Variants in CYB5A observed in about 807,000 individuals in gnomAD.
CYB5A encodes cytochrome b5.
In CYB5A, 10 loss-of-function variants were observed where a neutral mutation model predicts 16.2. The ratio of observed to expected loss-of-function variants is 0.62; its 90% confidence interval spans 0.38 to 1.04. The LOEUF (loss-of-function observed/expected upper bound fraction) is 1.04, where lower values mean the gene tolerates loss of function less well. Among genes scored for constraint, CYB5A ranks in the 50% least tolerant of loss-of-function variants. CYB5A has a pLI of 0.01. For synonymous variants in CYB5A, 62 were observed against 57.0 expected (o/e 1.09, Z -0.40); for missense variants, 161 against 165.9 (o/e 0.97, Z 0.16).
intron 1 of CYB5A, among the ~76,000 whole-genome samples, chr18:74,265,010 G>A (rs1467376907): frequency 6.6e-6 from 1 of 152,130 alleles, no homozygotes; most frequent in Non-Finnish European, 1.5e-5. Flanking sequence ...TCCTGACCTT[G>A]AGCAAGTCAC....
chr18:74,261,926 A>G (rs931338420), intron 2 of CYB5A, among the ~76,000 whole-genome samples: 1 of 152,098 alleles, frequency 6.6e-6, no homozygotes, highest in African/African-American at 2.4e-5. Flanking sequence ...GCTGCTAACC[A>G]TGCACCACAA....
intron 1 of CYB5A, among the ~76,000 whole-genome samples, chr18:74,284,851 G>A (rs981221709): frequency 3.3e-5 from 5 of 152,176 alleles, no homozygotes; most frequent in African/African-American, 1.2e-4. Flanking sequence ...ATGTAAGAAA[G>A]TAACTTCTTG....
chr18:74,288,307 A>C (rs1254026856), intron 1 of CYB5A, among the ~76,000 whole-genome samples: 2 of 152,200 alleles, frequency 1.3e-5, no homozygotes, highest in Admixed American at 1.3e-4. Context: ...CATGCACATA[A>C]ATCTAGGACA....
intron 3 of CYB5A, chr18:74,256,860 C>G (rs770027459): frequency 6.2e-7 from 1 of 1,613,230 alleles, no homozygotes; most frequent in Admixed American, 1.7e-5. Context: ...GTTCCTGACA[C>G]AGTAGGGGAA....
chr18:74,269,086 T>C (rs74675440), intron 1 of CYB5A, among the ~76,000 whole-genome samples: 3,663 of 152,252 alleles, frequency 0.024, 99 homozygotes, highest in Admixed American at 0.072. Context: ...ACAGTCTAAA[T>C]TCAGAAGACA....
chr18:74,262,171 G>C (rs1982228811), intron 2 of CYB5A, among the ~76,000 whole-genome samples: 1 of 152,142 alleles, frequency 6.6e-6, no homozygotes, highest in South Asian at 2.1e-4. Context: ...AGCCAAATTA[G>C]GACTAGGTGC....
chr18:74,283,929 T>A (rs1158362801), intron 1 of CYB5A, among the ~76,000 whole-genome samples: 1 of 152,144 alleles, frequency 6.6e-6, no homozygotes, highest in African/African-American at 2.4e-5. Context: ...CCCATAGGGT[T>A]GTTTTGAAGA....
At position 74,252,130 on chromosome 18, in the gene CYB5A, G is replaced by A. The variant is rs1233948357; in HGVS notation, c.*1454C>T. The A allele has an allele frequency of 6.6e-6, 1 of 152,176 alleles. No homozygotes were observed. Among genetic ancestry groups the A allele is most frequent in the African/African-American group, 2.4e-5 (1 of 41,436 alleles). 9.4% of individuals were successfully genotyped at this position (152,176 alleles called of 1,614,324 possible). ...TCAGTGACTAAAGAAGGCAAAGGCG[G>A]TGCATCCTATTTGATTATAAAGGTT... On this transcript the variant is annotated 3_prime_UTR_variant, in exon 5 of 5. Coordinates refer to ENST00000340533, the MANE Select transcript of CYB5A (RefSeq NM_148923.4).
At chr18:74,264,269 C>T (rs1304841512) in intron 1 of CYB5A, among the ~76,000 whole-genome samples, 3 of 151,860 alleles carry the variant, frequency 2.0e-5, no homozygotes, top group African/African-American at 4.8e-5. Context: ...ACATAAGTTG[C>T]TTCCCCATGT....
intron 2 of CYB5A, among the ~76,000 whole-genome samples, chr18:74,262,082 A>T (rs1299148680): frequency 6.6e-6 from 1 of 152,238 alleles, no homozygotes; most frequent in African/African-American, 2.4e-5. Flanking sequence ...AGGTTGACAG[A>T]CTAGTAACAT....
At position 74,260,994 on chromosome 18, in the gene CYB5A, T is replaced by C. The variant is rs376131561; in HGVS notation, c.259-50A>G. The stretch of plus-strand genomic sequence containing the variant: ...TATGGAATTTAAAAATCTATGAAAG[T>C]ACCACTTCCAAAATGCTGACTTTGA... On this transcript the variant is annotated intron_variant, in intron 2 of 4. Transcript: ENST00000340533. The C allele has an allele frequency of 1.6e-5, 23 of 1,412,110 alleles. No homozygotes were observed. In the African/African-American group the frequency reaches 2.8e-4, roughly 17 times the overall value. The allele number at this position is 1,412,110 out of a possible 1,614,324, so 87.5% of individuals were successfully genotyped here. A position where few individuals can be genotyped will look rare whatever the true frequency, so the allele number is the denominator to read the frequency against.
At chr18:74,254,171 C>T (rs1276526933) in intron 4 of CYB5A, among the ~76,000 whole-genome samples, 1 of 152,116 alleles carries the variant, frequency 6.6e-6, no homozygotes, top group African/African-American at 2.4e-5. Flanking sequence ...TAGAGCGAGA[C>T]TGTCTCAAAA....
intron 1 of CYB5A, among the ~76,000 whole-genome samples, chr18:74,280,201 G>A (rs1983039978): frequency 1.3e-5 from 2 of 152,160 alleles, no homozygotes; most frequent in Non-Finnish European, 2.9e-5. Context: ...CCAGTGCAAA[G>A]AATTGAAAAT....
intron 1 of CYB5A, among the ~76,000 whole-genome samples, chr18:74,288,047 A>C (rs1271323637): frequency 6.6e-6 from 1 of 152,236 alleles, no homozygotes; most frequent in African/African-American, 2.4e-5. Flanking sequence ...AAAGCTCAAA[A>C]TCTTTTAAGT....
chr18:74,272,274 A>G (rs1371460889), intron 1 of CYB5A, among the ~76,000 whole-genome samples: 1 of 152,156 alleles, frequency 6.6e-6, no homozygotes, highest in Non-Finnish European at 1.5e-5. Flanking sequence ...CAAACTGGGT[A>G]TCAGTTTAAG....
At chr18:74,266,343 G>A (rs754075834) in intron 1 of CYB5A, among the ~76,000 whole-genome samples, 3 of 152,164 alleles carry the variant, frequency 2.0e-5, no homozygotes, top group Non-Finnish European at 2.9e-5. Context: ...TGTTACTCGC[G>A]TAGGGACCGC....
intron 1 of CYB5A, among the ~76,000 whole-genome samples, chr18:74,285,822 C>G (rs1298436969): frequency 8.7e-6 from 1 of 114,554 alleles, no homozygotes; most frequent in South Asian, 2.8e-4. Flanking sequence ...ACGGCCTGGG[C>G]AACACAGCAA....
At chr18:74,254,809 C>G (rs995918075) in intron 4 of CYB5A, among the ~76,000 whole-genome samples, 37 of 152,102 alleles carry the variant, frequency 2.4e-4, no homozygotes, top group African/African-American at 8.5e-4. Flanking sequence ...CGTGAGCCAC[C>G]GCGCCTGGCC....
chr18:74,255,565 T>TCC (rs1981942614), intron 4 of CYB5A, among the ~76,000 whole-genome samples, 176 bp downstream of exon 4: 1 of 152,156 alleles, frequency 6.6e-6, no homozygotes, highest in Non-Finnish European at 1.5e-5. Context: ...GTGTTCACAG[T>TCC]CGGCTACCTG....
Sources: allele counts gnomAD v4.1 joint callset (sites outside exome capture counted in the v4.1 genomes callset), GRCh38; gene constraint gnomAD v4.1.1; transcripts MANE v1.5; gene names NCBI Gene and HGNC (gene_info 2026-07-23, HGNC 2026-07-21).